PPFIBP2: variants seen among roughly 807,000 people sequenced by gnomAD.
PPFIBP2 encodes the protein PPFIB scaffold protein 2, also known as liprin-beta-2.
In PPFIBP2, 118 loss-of-function variants were observed where a neutral mutation model predicts 118.3. The ratio of observed to expected loss-of-function variants is 1.00; its 90% CI spans 0.86 to 1.16. The LOEUF (loss-of-function observed/expected upper bound fraction) is 1.16. PPFIBP2 is among the 50% of genes most tolerant of loss of function. The pLI, the probability that PPFIBP2 is intolerant of heterozygous loss-of-function variation, is 0.00. For synonymous variants in PPFIBP2, 414 were observed against 397.4 expected, an observed-to-expected ratio of 1.04 and a Z score of -0.50; for missense variants, 1,195 against 1,073.1, an observed-to-expected ratio of 1.11 and a Z score of -1.59.
At chr11:7,614,241 C>T (rs529481664) in intron 6 of PPFIBP2, among the ~76,000 whole-genome samples, 1 of 152,290 alleles carries the variant, frequency 6.6e-6, no homozygotes, top group African/African-American at 2.4e-5. Context: ...CTTTCAACAC[C>T]TGTCCTCCAG....
chr11:7,643,537 C>A (rs1489905615), intron 17 of PPFIBP2, among the ~76,000 whole-genome samples: 1 of 152,184 alleles, frequency 6.6e-6, no homozygotes, highest in Non-Finnish European at 1.5e-5. Flanking sequence ...GCTTTATGAA[C>A]CGTAACAGTG....
At chr11:7,548,924 G>A (rs1295622943) in intron 1 of PPFIBP2, among the ~76,000 whole-genome samples, 4 of 152,166 alleles carry the variant, frequency 2.6e-5, no homozygotes, top group Non-Finnish European at 2.9e-5. Flanking sequence ...TGGCATTTGA[G>A]CCCTCTCAGC....
chr11:7,550,625 A>G (rs1179946016), intron 2 of PPFIBP2, among the ~76,000 whole-genome samples: 1 of 152,228 alleles, frequency 6.6e-6, no homozygotes, highest in East Asian at 1.9e-4. Context: ...CAGAGAATCC[A>G]TAGACTGGGA....
Position 7,630,932 on chromosome 11 carries a change from G to A in PPFIBP2, c.972G>A (p.Ser324=), listed in dbSNP as rs528131592. 105 of 1,613,432 alleles carry A rather than the reference G, an allele frequency of 6.5e-5. No individual in the cohort carries two copies. The highest frequency in any genetic ancestry group is 4.0e-4 in the Admixed American group (24 of 60,008). ...CTACCTTAATGCTTGCAGGGCCTTCGGAGAGAACTCTCTCAATCAATGAAG... is the reference window on the plus strand; with the variant it reads ...CTACCTTAATGCTTGCAGGGCCTTCAGAGAGAACTCTCTCAATCAATGAAG... The part of the protein sequence containing the change: ...KEIVMVTQGP[S]ERTLSINEEE... The change falls in exon 11 of 24, where the codon TCG becomes TCA. Residue 324 remains serine (S), a synonymous_variant. Transcript: ENST00000299492.
chr11:7,533,486 C>A (rs1175667870), intron 1 of PPFIBP2, among the ~76,000 whole-genome samples: 1 of 152,184 alleles, frequency 6.6e-6, no homozygotes, highest in East Asian at 1.9e-4. Context: ...TGCTCTCTAG[C>A]AGTTAATCTA....
chr11:7,622,515 C>G (rs145124639), intron 7 of PPFIBP2, among the ~76,000 whole-genome samples: 318 of 152,244 alleles, frequency 2.1e-3, no homozygotes, highest in African/African-American at 7.1e-3. Flanking sequence ...TTTATGACTT[C>G]TCATGTTATC....
intron 1 of PPFIBP2, among the ~76,000 whole-genome samples, chr11:7,528,225 G>A (rs1245472028): frequency 6.6e-6 from 1 of 152,146 alleles, no homozygotes; most frequent in African/African-American, 2.4e-5. Flanking sequence ...CCTTTGAGAG[G>A]CACTTAGTGG....
At chr11:7,528,921 C>T (rs1395590878) in intron 1 of PPFIBP2, among the ~76,000 whole-genome samples, 1 of 152,156 alleles carries the variant, frequency 6.6e-6, no homozygotes, top group Non-Finnish European at 1.5e-5. Context: ...GGCCTTCCTC[C>T]TGGAGCTCAG....
chr11:7,559,237 A>G (rs1292562326), intron 2 of PPFIBP2, among the ~76,000 whole-genome samples: 1 of 152,196 alleles, frequency 6.6e-6, no homozygotes, highest in Non-Finnish European at 1.5e-5. Flanking sequence ...CTTGCCTTAT[A>G]TTTAGGCATA....
At chr11:7,558,905 A>G (rs1193652801) in intron 2 of PPFIBP2, among the ~76,000 whole-genome samples, 2 of 152,228 alleles carry the variant, frequency 1.3e-5, no homozygotes, top group South Asian at 4.1e-4. Context: ...CTCTATAACC[A>G]TCAAAGCTAG....
At chr11:7,666,519 AG>A in the PPFIBP2 span, 1 of 1,613,590 alleles carries the variant, frequency 6.2e-7, no homozygotes, top group Admixed American at 1.7e-5. Flanking sequence ...AATTTCTTCA[AG>A]CTCTTTTCTG....
intron 1 of PPFIBP2, among the ~76,000 whole-genome samples, chr11:7,535,684 G>T (rs184556002): frequency 3.3e-5 from 5 of 152,308 alleles, no homozygotes; most frequent in African/African-American, 1.2e-4. Context: ...TTTTCGGGCC[G>T]GCTCCAATTT....
intron 3 of PPFIBP2, among the ~76,000 whole-genome samples, chr11:7,572,415 G>C (rs1329495239): frequency 6.6e-6 from 1 of 152,130 alleles, no homozygotes; most frequent in Non-Finnish European, 1.5e-5. Flanking sequence ...CTAAATTCTA[G>C]CAATCCGGCT....
intron 2 of PPFIBP2, among the ~76,000 whole-genome samples, chr11:7,565,079 C>A (rs150830054): frequency 1.6e-4 from 25 of 152,126 alleles, no homozygotes. Context: ...GTTTATGGTC[C>A]CTAGTGAGGA....
chr11:7,558,886 T>G (rs368655870), intron 2 of PPFIBP2, among the ~76,000 whole-genome samples: 7 of 152,356 alleles, frequency 4.6e-5, no homozygotes, highest in African/African-American at 9.6e-5. Flanking sequence ...ATAAAAATTC[T>G]CAGGTGACCT....
chr11:7,631,992 ACT>A (rs1850822778), intron 11 of PPFIBP2, among the ~76,000 whole-genome samples: 1 of 152,242 alleles, frequency 6.6e-6, no homozygotes, highest in African/African-American at 2.4e-5. Flanking sequence ...AAGAGGCAGT[ACT>A]GGAGACATGG....
At position 7,557,265 on chromosome 11, in the gene PPFIBP2, T is replaced by G. The variant is rs567423521; in HGVS notation, c.64+7726T>G. ...TGGTTTGTATTTTTTTTTTCAGATT[T>G]TCCTATTTTTTAAAATCATGCTTTC... On this transcript the variant is annotated intron_variant, in intron 2 of 23. Transcript: ENST00000299492. Among the ~76,000 whole-genome samples, 11 of 152,206 alleles carry G rather than the reference T, an allele frequency of 7.2e-5. 1 individual carries two copies. The South Asian group carries it at 2.3e-3, about 32-fold the overall frequency.
the PPFIBP2 span, among the ~76,000 whole-genome samples, chr11:7,664,827 C>G: frequency 0.3 from 44,433 of 148,880 alleles, 8,028 homozygotes; most frequent in Non-Finnish European, 0.4. Flanking sequence ...CCGACAGACC[C>G]TCGTTTGGGT....
At chr11:7,556,845 T>C (rs1224958013) in intron 2 of PPFIBP2, among the ~76,000 whole-genome samples, 2 of 152,224 alleles carry the variant, frequency 1.3e-5, no homozygotes, top group Non-Finnish European at 1.5e-5. Context: ...TCTGTATCTG[T>C]CTTCTGTCTC....
Sources: allele counts gnomAD v4.1 joint callset (sites outside exome capture counted in the v4.1 genomes callset), GRCh38; gene constraint gnomAD v4.1.1; transcripts MANE v1.5; gene names NCBI Gene and HGNC (gene_info 2026-07-23, HGNC 2026-07-21).